Variants in GALNT13 observed in about 807,000 individuals in gnomAD.
GALNT13 encodes polypeptide N-acetylgalactosaminyltransferase 13.
A neutral mutation model predicts 64.2 loss-of-function variants in GALNT13; 28 were observed. The observed-to-expected ratio is 0.44, with a 90% CI of 0.32 to 0.60. The LOEUF (loss-of-function observed/expected upper bound fraction) is 0.60. Ranked by LOEUF, GALNT13 falls within the 20% of genes least tolerant of loss-of-function variation. The pLI is 0.05. For missense variants in GALNT13, 577 were observed against 669.8 expected (o/e 0.86, Z 1.53); for synonymous variants, 214 against 224.6 (o/e 0.95, Z 0.42).
At chr2:153,446,330 G>A in the GALNT13 span, among the ~76,000 whole-genome samples, 9 of 152,210 alleles carry the variant, frequency 5.9e-5, no homozygotes, top group Admixed American at 2.0e-4. Flanking sequence ...CTAAGGAAGT[G>A]TATAGTAAGT....
chr2:153,581,361 C>A, the GALNT13 span, among the ~76,000 whole-genome samples: 1 of 151,836 alleles, frequency 6.6e-6, no homozygotes, highest in Non-Finnish European at 1.5e-5. Flanking sequence ...TCTCATGTTT[C>A]TTTTTTTCCC....
At chr2:153,462,440 A>G in the GALNT13 span, among the ~76,000 whole-genome samples, 1 of 152,144 alleles carries the variant, frequency 6.6e-6, no homozygotes, top group Non-Finnish European at 1.5e-5. Context: ...AGCAACTATT[A>G]GCTCTGCTTA....
chr2:153,695,450 A>G, the GALNT13 span, among the ~76,000 whole-genome samples: 1 of 152,188 alleles, frequency 6.6e-6, no homozygotes, highest in Non-Finnish European at 1.5e-5. Context: ...CAGCAACCAC[A>G]TATGGGCAGG....
the GALNT13 span, among the ~76,000 whole-genome samples, chr2:153,830,545 A>T: frequency 6.6e-6 from 1 of 152,144 alleles, no homozygotes; most frequent in African/African-American, 2.4e-5. Context: ...CCAAAAAAAG[A>T]TACATTTTTA....
intron 3 of GALNT13, among the ~76,000 whole-genome samples, chr2:154,108,328 T>C (rs369898221): frequency 1.1e-4 from 17 of 152,228 alleles, no homozygotes; most frequent in African/African-American, 3.9e-4. Context: ...TAATATCTTA[T>C]TGTGGTTTTA....
At chr2:153,178,222 C>T in the GALNT13 span, among the ~76,000 whole-genome samples, 1 of 152,106 alleles carries the variant, frequency 6.6e-6, no homozygotes, top group South Asian at 2.1e-4. Flanking sequence ...GGGTAAGTAG[C>T]CAGAAGTGGA....
intron 3 of GALNT13, among the ~76,000 whole-genome samples, chr2:154,136,275 T>G (rs1682943952): frequency 6.6e-6 from 1 of 152,186 alleles, no homozygotes; most frequent in Admixed American, 6.5e-5. Context: ...TATGGGATAT[T>G]ATTCAGATTT....
chr2:153,384,363 C>T, the GALNT13 span, among the ~76,000 whole-genome samples: 3 of 151,998 alleles, frequency 2.0e-5, no homozygotes, highest in Admixed American at 2.0e-4. Context: ...ATTTTTAAAA[C>T]TTCGTGTTCT....
At chr2:154,279,399 A>G (rs1359790298) in intron 8 of GALNT13, among the ~76,000 whole-genome samples, 1 of 152,176 alleles carries the variant, frequency 6.6e-6, no homozygotes, top group African/African-American at 2.4e-5. Context: ...ATTTCGAGGT[A>G]GAAATGAGTA....
the GALNT13 span, among the ~76,000 whole-genome samples, chr2:153,722,848 G>C: frequency 6.6e-6 from 1 of 151,116 alleles, no homozygotes; most frequent in Non-Finnish European, 1.5e-5. Flanking sequence ...GGACCAGATG[G>C]ATTCACAGCC....
chr2:154,145,119 T>TATATATATATATAC (rs1444821982), intron 4 of GALNT13, among the ~76,000 whole-genome samples: 2 of 137,290 alleles, frequency 1.5e-5, no homozygotes, highest in African/African-American at 5.5e-5. Flanking sequence ...TATATATATA[T>TATATATATATATAC]ACACACACTA....
the GALNT13 span, among the ~76,000 whole-genome samples, chr2:153,351,648 A>T: frequency 6.6e-6 from 1 of 152,162 alleles, no homozygotes; most frequent in African/African-American, 2.4e-5. Flanking sequence ...CTTGACAACT[A>T]CTATCTTTTC....
the GALNT13 span, among the ~76,000 whole-genome samples, chr2:153,851,219 A>C: frequency 6.6e-6 from 1 of 152,194 alleles, no homozygotes; most frequent in Non-Finnish European, 1.5e-5. Context: ...TCTTGTCAGC[A>C]ACAATTCAAG....
the GALNT13 span, among the ~76,000 whole-genome samples, chr2:153,829,214 TG>T: frequency 4.6e-5 from 7 of 152,124 alleles, no homozygotes; most frequent in Admixed American, 1.3e-4. Flanking sequence ...TCCACATTTT[TG>T]GGTATCTTTT....
the GALNT13 span, among the ~76,000 whole-genome samples, chr2:153,316,657 A>AAAAAAAAAAAAC: frequency 6.6e-6 from 1 of 151,378 alleles, no homozygotes; most frequent in Non-Finnish European, 1.5e-5. Context: ...AAAAAAAAAA[A>AAAAAAAAAAAAC]AATTTGTACA....
At chr2:153,107,034 T>C in the GALNT13 span, among the ~76,000 whole-genome samples, 1 of 152,138 alleles carries the variant, frequency 6.6e-6, no homozygotes, top group Non-Finnish European at 1.5e-5. Context: ...AAACCCCTGC[T>C]CCCTATAAGT....
rs962843055 is a variant in GALNT13, at chr2:154,041,200, C to A, written c.142+96561C>A. On this transcript the variant is annotated intron_variant, in intron 3 of 12. Transcript: ENST00000392825. ...TGAAGGCTCATAGGAAATGTAGCTTCTTTTATGTCTAAATGTGTTTTGTTA... is the reference window on the plus strand; with the variant it reads ...TGAAGGCTCATAGGAAATGTAGCTTATTTTATGTCTAAATGTGTTTTGTTA... 2.8e-5 allele frequency among the ~76,000 whole-genome samples: 4 copies of A among 140,376 alleles called. 1 individual carries two copies. The highest frequency in any genetic ancestry group is 6.5e-5 in the Non-Finnish European group (4 of 61,178). 92.1% of individuals were successfully genotyped at this position (140,376 alleles called of 152,430 possible).
chr2:154,279,337 G>C (rs12613346), intron 8 of GALNT13, among the ~76,000 whole-genome samples: 22,754 of 152,036 alleles, frequency 0.15, 2,208 homozygotes, highest in East Asian at 0.3. Context: ...TCAGAGAAGA[G>C]GATTGACTTT....
At chr2:153,799,927 A>G in the GALNT13 span, among the ~76,000 whole-genome samples, 2,195 of 152,246 alleles carry the variant, frequency 0.014, 52 homozygotes, top group African/African-American at 0.05. Flanking sequence ...TTTGTCAGGC[A>G]TTGAACATTT....
Sources: gnomAD v4.1 joint callset for allele counts (sites outside exome capture counted in the v4.1 genomes callset) on GRCh38, gnomAD v4.1.1 for gene constraint, MANE v1.5 for transcripts, NCBI Gene and HGNC (gene_info 2026-07-23, HGNC 2026-07-21) for gene names.